The following DLG2 variants were observed in gnomAD, a reference collection of about 807,000 sequenced individuals.
DLG2 encodes the protein discs large MAGUK scaffold protein 2, also known as disks large homolog 2.
Under a neutral mutation model 132.5 loss-of-function variants are expected in DLG2, and 45 were observed. The ratio of observed to expected loss-of-function variants is 0.34; its 90% CI spans 0.27 to 0.44. The LOEUF is 0.44. DLG2 is among the 20% of genes least tolerant of loss of function. The probability of loss-of-function intolerance (pLI) is 1.00; values close to 1 mark genes in which losing one functional copy is unlikely to be tolerated. For synonymous variants in DLG2, 424 were observed against 419.6 expected (o/e 1.01, Z -0.13); for missense variants, 1,045 against 1,196.9 (o/e 0.87, Z 1.87).
Position 83,833,633 on chromosome 11 carries a change from C to G in DLG2, c.1703G>C (p.Arg568Thr). The change falls in exon 17 of 28, where the codon AGA becomes ACA. Residue 568 changes from arginine (R) to threonine (T), a missense_variant. By Grantham distance (71) the Arg-to-Thr change is moderately conservative. Around this residue, in one of 4 missense-constraint regions of DLG2, gnomAD observed 398 missense variants for 543.6 expected, o/e 0.73. Coordinates refer to ENST00000376104, the MANE Select transcript of DLG2 (RefSeq NM_001142699.3). The stretch of plus-strand genomic sequence containing the variant: ...ACTCACCGATAGGATCTGGTCTCCT[C>G]TCTGGAGCTCCCCACTTAGGTCTGC... ...GPADLSGELQ[R>T]GDQILSVNGI... 1 of 1,613,952 alleles carries G rather than the reference C, an allele frequency of 6.2e-7. No homozygotes were observed.
At chr11:83,751,786 C>T (rs911787841) in intron 18 of DLG2, among the ~76,000 whole-genome samples, 4 of 152,102 alleles carry the variant, frequency 2.6e-5, no homozygotes, top group African/African-American at 9.7e-5. Flanking sequence ...TTTGGACATG[C>T]TATGTTTAAG....
chr11:85,491,397 T>C (rs2093557143), intron 3 of DLG2, among the ~76,000 whole-genome samples: 1 of 152,084 alleles, frequency 6.6e-6, no homozygotes, highest in Non-Finnish European at 1.5e-5. Context: ...TTCTTCAACA[T>C]AGTACTGGAA....
intron 7 of DLG2, among the ~76,000 whole-genome samples, chr11:84,488,886 T>C (rs1190053655): frequency 6.6e-6 from 1 of 152,168 alleles, no homozygotes; most frequent in Admixed American, 6.5e-5. Flanking sequence ...ATAAACTAAA[T>C]GTCACCTGGG....
intron 7 of DLG2, among the ~76,000 whole-genome samples, chr11:84,475,128 A>T (rs780972567): frequency 3.3e-5 from 5 of 152,154 alleles, no homozygotes; most frequent in Non-Finnish European, 5.9e-5. Context: ...AGTTGTAACC[A>T]ATAGGTTATT....
chr11:83,850,121 TAA>T (rs2059403942), intron 16 of DLG2, among the ~76,000 whole-genome samples: 3 of 135,542 alleles, frequency 2.2e-5, no homozygotes, highest in South Asian at 5.2e-4. Context: ...ACATTTGGGG[TAA>T]GTGTGTGTGT....
chr11:84,294,554 C>A (rs1338501599), intron 7 of DLG2, among the ~76,000 whole-genome samples: 1 of 152,144 alleles, frequency 6.6e-6, no homozygotes, highest in Non-Finnish European at 1.5e-5. Flanking sequence ...GCCGAGATCG[C>A]GGCACTGCAT....
intron 4 of DLG2, among the ~76,000 whole-genome samples, chr11:85,249,358 C>T (rs1304290811): frequency 1.3e-5 from 2 of 151,780 alleles, no homozygotes; most frequent in African/African-American, 4.8e-5. Flanking sequence ...TTTTAGCCTA[C>T]TATAATGTTA....
At chr11:85,557,961 A>T (rs1239981390) in intron 3 of DLG2, among the ~76,000 whole-genome samples, 1 of 151,912 alleles carries the variant, frequency 6.6e-6, no homozygotes. Flanking sequence ...GACAAGAGGG[A>T]CCTAATTAAA....
intron 6 of DLG2, among the ~76,000 whole-genome samples, chr11:84,707,632 G>GAAGAGACC (rs1240789327): frequency 1.3e-5 from 2 of 151,804 alleles, no homozygotes; most frequent in African/African-American, 4.8e-5. Flanking sequence ...CCAGAGGAAA[G>GAAGAGACC]AAGAGACCAA....
chr11:84,937,627 T>C (rs2048907414), intron 6 of DLG2, among the ~76,000 whole-genome samples: 1 of 152,220 alleles, frequency 6.6e-6, no homozygotes, highest in East Asian at 1.9e-4. Context: ...AAGGCATTTC[T>C]TACCAAGGGA....
chr11:84,671,880 GT>G (rs1418221983), intron 6 of DLG2, among the ~76,000 whole-genome samples: 1 of 152,154 alleles, frequency 6.6e-6, no homozygotes, highest in Non-Finnish European at 1.5e-5. Flanking sequence ...TGGTTTTGAG[GT>G]TTTTGTTTTG....
At chr11:83,806,851 C>T (rs888503439) in intron 17 of DLG2, among the ~76,000 whole-genome samples, 8 of 152,016 alleles carry the variant, frequency 5.3e-5, no homozygotes, top group Admixed American at 6.6e-5. Flanking sequence ...ATAGTGAAAA[C>T]GATGTAAACT....
At chr11:85,608,627 T>C (rs1783873293) in intron 2 of DLG2, among the ~76,000 whole-genome samples, 3 of 151,904 alleles carry the variant, frequency 2.0e-5, no homozygotes, top group Non-Finnish European at 2.9e-5. Context: ...CAGAAGGAAA[T>C]AAGCAAAGAA....
intron 4 of DLG2, among the ~76,000 whole-genome samples, chr11:85,164,860 T>C (rs1387136612): frequency 6.6e-6 from 1 of 152,188 alleles, no homozygotes; most frequent in Non-Finnish European, 1.5e-5. Context: ...AACTAACTAA[T>C]ATACTAAACT....
chr11:83,608,933 T>C (rs2153402171), intron 19 of DLG2, among the ~76,000 whole-genome samples: 1 of 152,290 alleles, frequency 6.6e-6, no homozygotes, highest in South Asian at 2.1e-4. Context: ...ACAGCCACCA[T>C]TTTGAACCCT....
At chr11:85,356,828 A>G (rs975174178) in intron 3 of DLG2, among the ~76,000 whole-genome samples, 4 of 145,960 alleles carry the variant, frequency 2.7e-5, no homozygotes, top group Admixed American at 1.4e-4. Context: ...AGATAGATAG[A>G]GATGATAGAC....
chr11:84,524,161 T>G (rs1338796169), intron 7 of DLG2, among the ~76,000 whole-genome samples: 1 of 152,234 alleles, frequency 6.6e-6, no homozygotes, highest in African/African-American at 2.4e-5. Flanking sequence ...TACGAATCTG[T>G]GCTGGGTCCA....
At chr11:84,755,726 T>G (rs1298392916) in intron 6 of DLG2, among the ~76,000 whole-genome samples, 2 of 152,188 alleles carry the variant, frequency 1.3e-5, no homozygotes, top group African/African-American at 4.8e-5. Flanking sequence ...CCTGGCCCAG[T>G]GTGTCTTTTA....
chr11:84,770,586 G>A lies in DLG2; in HGVS notation c.358-235855C>T, dbSNP rs182325003. On this transcript the variant is annotated intron_variant, in intron 6 of 27. Coordinates refer to ENST00000376104, the MANE Select transcript of DLG2 (RefSeq NM_001142699.3). Reference sequence around the variant, plus strand: ...TGGTTTTCTATTCCTGCATCAATTTGTGAAGGATAATGGCCTCCAACTGCA... The same window carrying A: ...TGGTTTTCTATTCCTGCATCAATTTATGAAGGATAATGGCCTCCAACTGCA... Among the ~76,000 whole-genome samples the A allele has an allele frequency of 2.5e-3, 376 of 151,628 alleles. 2 individuals are homozygous for A. The highest frequency in any genetic ancestry group is 4.2e-3 in the Non-Finnish European group (283 of 67,920).
Sources: gnomAD v4.1 joint callset for allele counts (sites outside exome capture counted in the v4.1 genomes callset) on GRCh38, gnomAD v4.1.1 for gene constraint, gnomAD v4.1.1 regional missense constraint, MANE v1.5 for transcripts, NCBI Gene and HGNC (gene_info 2026-07-23, HGNC 2026-07-21) for gene names.